The following CEP152 variants were observed in gnomAD, a reference collection of about 807,000 sequenced individuals.
CEP152 encodes centrosomal protein 152.
A neutral mutation model predicts 188.9 loss-of-function variants in CEP152; 132 were observed. The observed-to-expected ratio is 0.70, with a 90% CI of 0.61 to 0.81. The LOEUF is 0.81. Ranked by LOEUF, CEP152 falls within the 30% of genes least tolerant of loss-of-function variation. The pLI is 0.00. For synonymous variants in CEP152, 649 were observed against 666.6 expected (o/e 0.97, Z 0.41); for missense variants, 1,914 against 1,969.8 (o/e 0.97, Z 0.54).
chr15:48,807,904 T>TTGAAG (rs1555429545), intron 1 of CEP152, among the ~76,000 whole-genome samples: 2 of 151,536 alleles, frequency 1.3e-5, no homozygotes, highest in Non-Finnish European at 2.9e-5. Context: ...GGTTTTGTTT[T>TTGAAG]TAAAGAGAAT....
intron 20 of CEP152, among the ~76,000 whole-genome samples, chr15:48,754,197 G>A (rs1278978683): frequency 6.6e-6 from 1 of 152,114 alleles, no homozygotes; most frequent in Non-Finnish European, 1.5e-5. Context: ...AACAAAAGCC[G>A]TAAACATCTA....
intron 1 of CEP152, among the ~76,000 whole-genome samples, chr15:48,806,059 T>G (rs1652566855): frequency 6.6e-6 from 1 of 152,220 alleles, no homozygotes; most frequent in South Asian, 2.1e-4. Flanking sequence ...TTGCTTCATT[T>G]TTTTTTAATA....
intron 18 of CEP152, among the ~76,000 whole-genome samples, chr15:48,762,019 G>A (rs1389584522): frequency 6.6e-6 from 1 of 152,070 alleles, no homozygotes; most frequent in Non-Finnish European, 1.5e-5. Flanking sequence ...ATGTGCTTAG[G>A]TTTACTTATC....
chr15:48,803,560 T>C (rs938454517), intron 2 of CEP152, among the ~76,000 whole-genome samples: 4 of 152,232 alleles, frequency 2.6e-5, no homozygotes, highest in African/African-American at 4.8e-5. Flanking sequence ...ATCATCATGT[T>C]AGAGTCAATT....
rs770034429 is a variant in CEP152, at chr15:48,742,059, C to T, written c.3877G>A (p.Ala1293Thr). The change falls in exon 25 of 27, where the codon GCA becomes ACA. Residue 1293 changes from alanine to threonine, a missense_variant. Transcript: ENST00000380950. ...AGTACCTCTGCTTTTACCATTTCTG[C>T]AGCTCGTTCCTTACTCTCCTGAATA... The part of the protein sequence containing the change: ...RYIQESKERA[A>T]EMVKAEVLRE... 17 of 1,614,018 alleles carry T rather than the reference C, an allele frequency of 1.1e-5. No individual in the cohort carries two copies. The highest frequency in any genetic ancestry group is 1.3e-5 in the Non-Finnish European group (15 of 1,180,012).
intron 26 of CEP152, chr15:48,741,372 A>G: frequency 7.4e-7 from 1 of 1,357,068 alleles, no homozygotes; most frequent in Non-Finnish European, 9.5e-7. Context: ...CTTTTCTATC[A>G]TTTCGAGGGA....
chr15:48,752,546 A>G (rs1314208300), intron 20 of CEP152, 77 bp from the exon 21 acceptor site: 1 of 1,546,270 alleles, frequency 6.5e-7, no homozygotes, highest in East Asian at 2.5e-5. Context: ...CTAATATTAA[A>G]AATACAAAGA....
chr15:48,793,427 C>T lies in CEP152; in HGVS notation c.726G>A (p.Gln242=). The T allele has an allele frequency of 6.2e-7, 1 of 1,613,570 alleles. No individual in the cohort carries two copies. The highest frequency in any genetic ancestry group is 8.5e-7 in the Non-Finnish European group (1 of 1,179,712). ...GTCTCTCTTTTGCTTTGTTAAGAAC[C>T]TGAAGTTGAATAATCTGCATATTTT... is the stretch of plus-strand genomic sequence containing the variant. The part of the protein sequence containing the change: ...SAENMQIIQL[Q]VLNKAKERQL... Residue 242 remains glutamine, a synonymous_variant, in exon 7 of 27, where the codon CAG becomes CAA. Coordinates refer to ENST00000380950, the MANE Select transcript of CEP152 (RefSeq NM_001194998.2).
At chr15:48,742,611 G>C (rs1893066112) in intron 24 of CEP152, among the ~76,000 whole-genome samples, 1 of 152,124 alleles carries the variant, frequency 6.6e-6, no homozygotes. Flanking sequence ...AATTCTTTCA[G>C]CAGCACTTTT....
In CEP152 at chr15:48,739,297, T is replaced by C; in HGVS notation, c.4094-9A>G. On this transcript the variant is annotated splice_polypyrimidine_tract_variant and intron_variant, in intron 26 of 26. Coordinates refer to ENST00000380950, the MANE Select transcript of CEP152 (RefSeq NM_001194998.2). ...TGAAGTTAGGGGCAGTGCTATTATG[T>C]GCAAGGAAACACGAAATTAAGAGAA... is the stretch of plus-strand genomic sequence containing the variant. 1.3e-6 allele frequency: 2 copies of C among 1,596,434 alleles called. No homozygotes were observed. The highest frequency in any genetic ancestry group is 1.7e-6 in the Non-Finnish European group (2 of 1,174,632).
rs547127741 is a variant in CEP152, at chr15:48,742,691, G to C, written c.3836-591C>G. Among the ~76,000 whole-genome samples, 3 of 151,954 alleles carry C rather than the reference G, an allele frequency of 2.0e-5. No homozygotes were observed. The South Asian group carries it at 6.2e-4, about 32-fold the overall frequency. ...TACAAAATGAGACTACAAGGAGGGTGATGGGACTTATAGTTGGCCTCTGAA... is the reference window on the plus strand; with the variant it reads ...TACAAAATGAGACTACAAGGAGGGTCATGGGACTTATAGTTGGCCTCTGAA... On this transcript the variant is annotated intron_variant, in intron 24 of 26. Transcript: ENST00000380950.
chr15:48,770,775 T>C (rs1895471554), intron 13 of CEP152, among the ~76,000 whole-genome samples: 1 of 152,182 alleles, frequency 6.6e-6, no homozygotes, highest in South Asian at 2.1e-4. Context: ...AATATTAAAA[T>C]CTATGTTTTA....
intron 5 of CEP152, among the ~76,000 whole-genome samples, chr15:48,796,567 G>A (rs571214258): frequency 1.3e-5 from 2 of 152,110 alleles, no homozygotes; most frequent in Non-Finnish European, 2.9e-5. Flanking sequence ...CATGGACCAC[G>A]GTGCCTCATA....
intron 1 of CEP152, among the ~76,000 whole-genome samples, chr15:48,806,277 A>C (rs915682423): frequency 1.3e-5 from 2 of 150,176 alleles, no homozygotes; most frequent in African/African-American, 4.8e-5. Context: ...AAGCTCCACC[A>C]CTGTGGACTT....
chr15:48,734,124 T>TTTC (rs1432582255), downstream of CEP152, among the ~76,000 whole-genome samples: 1 of 151,920 alleles, frequency 6.6e-6, no homozygotes, highest in African/African-American at 2.4e-5. Context: ...TAAATATACA[T>TTTC]TTCTTCTATT....
In CEP152 at chr15:48,756,347, T is replaced by C. The variant is rs886051262; in HGVS notation, c.2901A>G (p.Glu967=). The C allele has an allele frequency of 6.4e-7, 1 of 1,574,636 alleles. No individual in the cohort carries two copies. Among genetic ancestry groups the C allele is most frequent in the Admixed American group, 1.9e-5 (1 of 52,270 alleles). ...RSEWNKEKQE[E]IHRIQEQNEQ... ...CATTTTGTTCTTGGATTCTGTGGAT[T>C]TCTTCTTGCTTTTCTTTGTTCCATT... The change falls in exon 20 of 27, where the codon GAA becomes GAG. Residue 967 remains glutamate (E), a synonymous_variant. Coordinates refer to ENST00000380950, the MANE Select transcript of CEP152 (RefSeq NM_001194998.2).
chr15:48,793,190 C>G (rs1392662240), intron 7 of CEP152, 131 bp downstream of exon 7: 1 of 1,017,698 alleles, frequency 9.8e-7, no homozygotes, highest in Non-Finnish European at 1.5e-6. Context: ...TTTTGTTTTG[C>G]TATGCCTCAC....
Position 48,762,652 on chromosome 15 carries a change from TTGAA to T in CEP152, c.2297_2300del (p.Ile766AsnfsTer15). On this transcript the variant is annotated frameshift_variant, in exon 18 of 27. Coordinates refer to ENST00000380950, the MANE Select transcript of CEP152 (RefSeq NM_001194998.2). LOFTEE classifies it high-confidence loss of function. ...TAGACTGCCACTCCTTTTCAAGCTG[TTGAA>T]TGAGTTTTTCTTTGATCTGTTTTCA... The T allele has an allele frequency of 1.2e-6, 2 of 1,613,792 alleles. No homozygotes were observed. Among genetic ancestry groups the T allele is most frequent in the Admixed American group, 1.7e-5 (1 of 60,018 alleles).
At chr15:48,740,955 TA>T (rs1314638262) in intron 26 of CEP152, 1 of 861,070 alleles carries the variant, frequency 1.2e-6, no homozygotes, top group African/African-American at 1.8e-5. Context: ...TCATATCCCC[TA>T]GGCCCTCTAT....
Sources: gnomAD v4.1 joint callset for allele counts (sites outside exome capture counted in the v4.1 genomes callset) on GRCh38, gnomAD v4.1.1 for gene constraint, MANE v1.5 for transcripts, NCBI Gene and HGNC (gene_info 2026-07-23, HGNC 2026-07-21) for gene names.